Variants in WEE2 observed in about 807,000 individuals in gnomAD.
The protein encoded by WEE2 is WEE2 oocyte meiosis inhibiting kinase.
A neutral mutation model predicts 60.1 loss-of-function variants in WEE2; 50 were observed. The observed-to-expected ratio is 0.83, with a 90% CI of 0.66 to 1.05. The LOEUF is 1.05. WEE2 is among the 50% of genes least tolerant of loss of function. The pLI, the probability that WEE2 is intolerant of heterozygous loss-of-function variation, is 0.00. For missense variants in WEE2, 631 were observed against 684.3 expected (o/e 0.92, Z 0.87); for synonymous variants, 240 against 241.0 (o/e 1.00, Z 0.04).
At chr7:141,729,210 C>G (rs1049403991) in intron 10 of WEE2, among the ~76,000 whole-genome samples, 3 of 152,124 alleles carry the variant, frequency 2.0e-5, no homozygotes, top group African/African-American at 4.8e-5. Context: ...AGATTTGACT[C>G]AGAAGTTGTG....
At chr7:141,720,590 T>C (rs6966981) in intron 4 of WEE2, among the ~76,000 whole-genome samples, 87,314 of 151,916 alleles carry the variant, frequency 0.57, 26,084 homozygotes, top group African/African-American at 0.76. Context: ...GAAGACCTGA[T>C]GCACATCTGC....
chr7:141,727,082 A>G (rs1799030465), intron 9 of WEE2: 1 of 454,794 alleles, frequency 2.2e-6, no homozygotes, highest in Non-Finnish European at 3.9e-6. Context: ...GCTCCAAAAT[A>G]TGATTAAAAA....
At chr7:141,721,161 T>G in intron 5 of WEE2, 105 bp downstream of exon 5, 2 of 1,401,168 alleles carry the variant, frequency 1.4e-6, no homozygotes, top group African/African-American at 1.4e-5. Context: ...GGATAGCAGA[T>G]ATACCTAAAA....
chr7:141,726,373 T>C (rs561952100), intron 9 of WEE2, among the ~76,000 whole-genome samples: 61 of 152,308 alleles, frequency 4.0e-4, no homozygotes, highest in Middle Eastern at 6.8e-3. Context: ...CTTGAACTCC[T>C]GGGCTCGAGC....
At chr7:141,725,578 C>A (rs1799000251) in intron 9 of WEE2, among the ~76,000 whole-genome samples, 1 of 148,600 alleles carries the variant, frequency 6.7e-6, no homozygotes, top group South Asian at 2.1e-4. Flanking sequence ...TGAGCCAAGA[C>A]CGTGCCACTG....
intron 2 of WEE2, 115 bp from the exon 3 acceptor site, chr7:141,716,107 A>G: frequency 2.2e-6 from 2 of 900,072 alleles, no homozygotes; most frequent in Admixed American, 2.5e-5. Flanking sequence ...GCCTCCACAT[A>G]TAAACCGAAG....
intron 4 of WEE2, among the ~76,000 whole-genome samples, chr7:141,719,651 A>G (rs899355414): frequency 3.6e-4 from 55 of 152,094 alleles, no homozygotes; most frequent in African/African-American, 1.3e-3. Context: ...GGGTTTCACC[A>G]TGTTGGCCAG....
At chr7:141,722,984 T>C (rs1798943690) in intron 5 of WEE2, 150 bp from the exon 6 acceptor site, 4 of 940,036 alleles carry the variant, frequency 4.3e-6, no homozygotes, top group Non-Finnish European at 6.4e-6. Context: ...ACTATGCCAT[T>C]TTATACAAGG....
chr7:141,729,499 G>A (rs766233950), intron 10 of WEE2, 32 bp from the exon 11 acceptor site: 1 of 1,614,126 alleles, frequency 6.2e-7, no homozygotes. Context: ...TGGAGATCAA[G>A]TAGCCTTTGC....
intron 10 of WEE2, chr7:141,728,213 GC>G (rs1799055342): frequency 6.6e-6 from 1 of 152,160 alleles, no homozygotes; most frequent in African/African-American, 2.4e-5. Context: ...TGTTCTGAAG[GC>G]ATTTTTGAGT....
intron 9 of WEE2, among the ~76,000 whole-genome samples, chr7:141,726,348 A>T (rs1799017600): frequency 6.6e-6 from 1 of 152,078 alleles, no homozygotes; most frequent in African/African-American, 2.4e-5. Context: ...TGGCACAATC[A>T]TAGCTTACTG....
rs1799123060 is a variant in WEE2, at chr7:141,730,632, T to A, written c.*312T>A. On this transcript the variant is annotated 3_prime_UTR_variant, in exon 12 of 12. Transcript: ENST00000397541. The stretch of plus-strand genomic sequence containing the variant: ...TGAGGTGGGTAAAAGTTAGACTGCA[T>A]GCAACTTGGACATCTCTGAGCTGGT... 1 of 258,468 alleles carries A rather than the reference T, an allele frequency of 3.9e-6. No homozygotes were observed. Among genetic ancestry groups the A allele is most frequent in the Non-Finnish European group, 7.3e-6 (1 of 137,536 alleles). 16.0% of individuals were successfully genotyped at this position (258,468 alleles called of 1,614,324 possible). A position where few individuals can be genotyped will look rare whatever the true frequency, so the allele number is the denominator to read the frequency against.
Position 141,720,995 on chromosome 7 carries a change from A to C in WEE2, c.819A>C (p.Val273=), listed in dbSNP as rs2117115694. The change falls in exon 5 of 12, where the codon GTA becomes GTC. Residue 273 remains valine (V), a synonymous_variant. Coordinates refer to ENST00000397541, the MANE Select transcript of WEE2 (RefSeq NM_001105558.1). ...TGCTTGGGCATCACCCCCATGTGGT[A>C]CGTTACTATTCCTCATGGGCAGAAG... ...HAVLGHHPHV[V]RYYSSWAEDD... is the part of the protein sequence containing the mutation. 6.2e-7 allele frequency: 1 copy of C among 1,614,162 alleles called. No individual in the cohort carries two copies. Among genetic ancestry groups the C allele is most frequent in the African/African-American group, 1.3e-5 (1 of 75,066 alleles).
chr7:141,710,083 GCTCCGATGTCTAT>G (rs368879767), intron 1 of WEE2, among the ~76,000 whole-genome samples: 9 of 152,284 alleles, frequency 5.9e-5, no homozygotes, highest in African/African-American at 2.2e-4. Context: ...AAACTAATAT[GCTCCGATGTCTAT>G]CTCTGGGTTT....
rs1799130197 is a variant in WEE2 at position 141,730,992 on chromosome 7, A to T, written c.*672A>T. Reference sequence around the variant, plus strand: ...ACAAAGAATGAGAAATTTATGTCGGAGAACATTTTATGAATAAAAGGGTAA... The same window carrying T: ...ACAAAGAATGAGAAATTTATGTCGGTGAACATTTTATGAATAAAAGGGTAA... On this transcript the variant is annotated 3_prime_UTR_variant, in exon 12 of 12. Transcript: ENST00000397541. The T allele has an allele frequency of 1.3e-5, 2 of 152,216 alleles. 1 individual carries two copies. Among genetic ancestry groups the T allele is most frequent in the South Asian group, 4.1e-4 (2 of 4,828 alleles). The allele number at this position is 152,216 out of a possible 1,614,324, so 9.4% of individuals were successfully genotyped here. A position where few individuals can be genotyped will look rare whatever the true frequency, so the allele number is the denominator to read the frequency against.
chr7:141,722,131 C>A (rs1025371109), intron 5 of WEE2, among the ~76,000 whole-genome samples: 3 of 151,978 alleles, frequency 2.0e-5, no homozygotes, highest in African/African-American at 7.2e-5. Context: ...AGAGGCCGGG[C>A]GCAATGGCTC....
At chr7:141,728,756 G>A (rs1799068756) in intron 10 of WEE2, among the ~76,000 whole-genome samples, 1 of 152,176 alleles carries the variant, frequency 6.6e-6, no homozygotes, top group Non-Finnish European at 1.5e-5. Context: ...GTGAGCAGTG[G>A]GTGAGTGAGC....
Position 141,711,529 on chromosome 7 carries a change from A to G in WEE2, c.342+2429A>G, listed in dbSNP as rs956437132. On this transcript the variant is annotated intron_variant, in intron 1 of 11. Coordinates refer to ENST00000397541, the MANE Select transcript of WEE2 (RefSeq NM_001105558.1). The surrounding 1 kb of genome is among the most constrained non-coding windows in gnomAD (Gnocchi z 4.2). ...TCTTGTCCAAGGGATGGAACCAAAA[A>G]TCATGTGAAATTCAGTTCACTGTAA... Among the ~76,000 whole-genome samples the G allele has an allele frequency of 2.6e-5, 4 of 152,222 alleles. No individual in the cohort carries two copies. The highest frequency in any genetic ancestry group is 9.6e-5 in the African/African-American group (4 of 41,462).
chr7:141,723,311 C>T (rs374094266), intron 6 of WEE2, 31 bp downstream of exon 6: 485 of 1,606,444 alleles, frequency 3.0e-4, no homozygotes, highest in Non-Finnish European at 3.9e-4. Flanking sequence ...CCACTTCTAC[C>T]GTATTTTGTT....
Sources: allele counts gnomAD v4.1 joint callset (sites outside exome capture counted in the v4.1 genomes callset), GRCh38; gene constraint gnomAD v4.1.1; non-coding constraint Gnocchi (gnomAD v3.1); transcripts MANE v1.5; gene names NCBI Gene and HGNC (gene_info 2026-07-23, HGNC 2026-07-21).